Variants in KAT6B observed in about 807,000 individuals in gnomAD.
The protein encoded by KAT6B is histone acetyltransferase KAT6B.
Under a neutral mutation model 187.5 loss-of-function variants are expected in KAT6B, and 10 were observed. The ratio of observed to expected loss-of-function variants is 0.05; its 90% CI spans 0.03 to 0.09. The LOEUF (loss-of-function observed/expected upper bound fraction) is 0.09, where lower values mean the gene tolerates loss of function less well. KAT6B is among the 10% of genes least tolerant of loss of function. KAT6B has a pLI of 1.00. For missense variants in KAT6B, 1,952 were observed against 2,558.9 expected (o/e 0.76, Z 5.12); for synonymous variants, 861 against 926.8 (o/e 0.93, Z 1.29).
At chr10:74,941,152 A>G (rs1849641301) in intron 3 of KAT6B, among the ~76,000 whole-genome samples, 1 of 152,218 alleles carries the variant, frequency 6.6e-6, no homozygotes, top group Non-Finnish European at 1.5e-5. Context: ...CTAAAATGCC[A>G]GCTGTTATCT....
At chr10:74,836,817 C>T (rs911589255) in intron 1 of KAT6B, among the ~76,000 whole-genome samples, 2 of 152,126 alleles carry the variant, frequency 1.3e-5, no homozygotes, top group South Asian at 2.1e-4. Context: ...CACTCAGTTA[C>T]ACAATGGGCT....
chr10:74,879,879 G>A (rs920378777), intron 3 of KAT6B, among the ~76,000 whole-genome samples: 4 of 152,136 alleles, frequency 2.6e-5, no homozygotes, highest in African/African-American at 9.7e-5. Flanking sequence ...CAGATCACCT[G>A]AGGTCAGGAG....
At chr10:74,909,344 C>G (rs1485100830) in intron 3 of KAT6B, among the ~76,000 whole-genome samples, 1 of 152,188 alleles carries the variant, frequency 6.6e-6, no homozygotes, top group Non-Finnish European at 1.5e-5. Flanking sequence ...GTACTCCAGC[C>G]TGGGAGACAG....
intron 1 of KAT6B, among the ~76,000 whole-genome samples, chr10:74,836,198 C>T (rs1841295892): frequency 6.6e-6 from 1 of 152,180 alleles, no homozygotes; most frequent in Admixed American, 6.5e-5. Context: ...GGATATACCA[C>T]AGTTTATCTG....
At position 75,022,379 on chromosome 10, in the gene KAT6B, C is replaced by T. The variant is rs1387105560; in HGVS notation, c.3372+148C>T. On this transcript the variant is annotated intron_variant, in intron 16 of 17. Transcript: ENST00000287239. ...AGTCCCGCTGATCATATATCATAAT[C>T]GTTTATCTCACAGTCATGATTATGT... The T allele has an allele frequency of 1.9e-5, 18 of 962,890 alleles. No individual in the cohort carries two copies. In the East Asian group the frequency reaches 3.4e-4, roughly 18 times the overall value. The allele number at this position is 962,890 out of a possible 1,614,324, so 59.6% of individuals were successfully genotyped here. A position where few individuals can be genotyped will look rare whatever the true frequency, so the allele number is the denominator to read the frequency against.
intron 3 of KAT6B, among the ~76,000 whole-genome samples, chr10:74,903,735 G>A (rs895893209): frequency 3.3e-5 from 5 of 152,208 alleles, no homozygotes; most frequent in African/African-American, 1.2e-4. Flanking sequence ...TCATGAATGG[G>A]TGTTGTTTTA....
intron 3 of KAT6B, among the ~76,000 whole-genome samples, chr10:74,938,518 G>C (rs1849425233): frequency 6.6e-6 from 1 of 152,090 alleles, no homozygotes; most frequent in South Asian, 2.1e-4. Context: ...AACCATGCCT[G>C]ACAATACTGA....
intron 3 of KAT6B, among the ~76,000 whole-genome samples, chr10:74,877,932 A>G (rs1234383163): frequency 7.0e-6 from 1 of 143,682 alleles, no homozygotes; most frequent in Admixed American, 7.1e-5. Context: ...ATTGTAAAAG[A>G]AAAAAAAAAA....
At chr10:74,960,801 A>G (rs573174747) in intron 4 of KAT6B, among the ~76,000 whole-genome samples, 5 of 152,324 alleles carry the variant, frequency 3.3e-5, no homozygotes, top group Middle Eastern at 3.4e-3. Context: ...CCCTGGCACA[A>G]GGTCTGCAGA....
intron 3 of KAT6B, among the ~76,000 whole-genome samples, chr10:74,852,119 GTA>G (rs1210203877): frequency 2.6e-5 from 4 of 152,142 alleles, no homozygotes; most frequent in African/African-American, 9.7e-5. Flanking sequence ...GCAGAAATGT[GTA>G]TATTTTTTAT....
At chr10:74,936,260 G>A (rs1227417951) in intron 3 of KAT6B, among the ~76,000 whole-genome samples, 2 of 151,920 alleles carry the variant, frequency 1.3e-5, no homozygotes, top group East Asian at 3.9e-4. Context: ...AAAATTAGCC[G>A]GGCATGGTGG....
intron 4 of KAT6B, among the ~76,000 whole-genome samples, chr10:74,961,822 T>C (rs1007868772): frequency 1.7e-4 from 26 of 152,226 alleles, no homozygotes; most frequent in African/African-American, 6.3e-4. Context: ...GTGTTATGTT[T>C]TCTCTGTTCA....
At chr10:74,973,172 A>G (rs1284251907) in intron 7 of KAT6B, among the ~76,000 whole-genome samples, 1 of 152,220 alleles carries the variant, frequency 6.6e-6, no homozygotes, top group Non-Finnish European at 1.5e-5. Context: ...AGACAGAACT[A>G]TTTGACAACT....
At chr10:74,974,923 A>C (rs1402276528) in intron 7 of KAT6B, among the ~76,000 whole-genome samples, 1 of 152,188 alleles carries the variant, frequency 6.6e-6, no homozygotes, top group Non-Finnish European at 1.5e-5. Context: ...TCCAAACTCT[A>C]TTTATATAAG....
chr10:74,933,956 C>T (rs1240105554), intron 3 of KAT6B, among the ~76,000 whole-genome samples: 1 of 151,982 alleles, frequency 6.6e-6, no homozygotes, highest in South Asian at 2.1e-4. Context: ...GAGGCCGAGG[C>T]GGGCAGATCG....
At chr10:74,942,402 T>A (rs1849736202) in intron 3 of KAT6B, among the ~76,000 whole-genome samples, 1 of 152,120 alleles carries the variant, frequency 6.6e-6, no homozygotes, top group South Asian at 2.1e-4. Context: ...AAAAATCCAT[T>A]AATGATATAA....
intron 3 of KAT6B, among the ~76,000 whole-genome samples, chr10:74,946,738 G>A (rs1038236953): frequency 6.6e-5 from 10 of 152,198 alleles, no homozygotes; most frequent in Non-Finnish European, 1.3e-4. Flanking sequence ...AAGTGGAAAG[G>A]TATGAGCAGG....
intron 3 of KAT6B, among the ~76,000 whole-genome samples, chr10:74,945,987 A>G (rs746032056): frequency 3.3e-5 from 5 of 152,200 alleles, no homozygotes; most frequent in East Asian, 1.9e-4. Flanking sequence ...CTCCTCCTCT[A>G]TTTTCTGAAA....
intron 3 of KAT6B, among the ~76,000 whole-genome samples, chr10:74,938,979 T>G (rs1426870132): frequency 2.0e-5 from 3 of 151,964 alleles, no homozygotes; most frequent in Admixed American, 2.0e-4. Flanking sequence ...TCAGGTGATC[T>G]GCTCACCTCG....
Sources: gnomAD v4.1 joint callset for allele counts (sites outside exome capture counted in the v4.1 genomes callset) on GRCh38, gnomAD v4.1.1 for gene constraint, MANE v1.5 for transcripts, NCBI Gene and HGNC (gene_info 2026-07-23, HGNC 2026-07-21) for gene names.